Variants in AGBL1 observed in about 807,000 individuals in gnomAD.
The protein encoded by AGBL1 is cytosolic carboxypeptidase 4.
Under a neutral mutation model 118.9 loss-of-function variants are expected in AGBL1, and 130 were observed. The observed-to-expected ratio is 1.09, with a 90% CI of 0.95 to 1.26. AGBL1 has a LOEUF of 1.26. AGBL1 is among the 50% of genes most tolerant of loss of function. AGBL1 has a pLI of 0.00. For synonymous variants in AGBL1, 555 were observed against 478.9 expected (o/e 1.16, Z -2.08); for missense variants, 1,584 against 1,298.1 (o/e 1.22, Z -3.38).
intron 1 of AGBL1, chr15:86,140,096 G>C (rs2076942501): frequency 5.4e-6 from 1 of 185,636 alleles, no homozygotes; most frequent in Non-Finnish European, 1.2e-5. Context: ...CATGTTGTGG[G>C]TGCCCCTCCC....
At chr15:86,748,036 TC>T (rs1285382575) in intron 22 of AGBL1, among the ~76,000 whole-genome samples, 6 of 152,302 alleles carry the variant, frequency 3.9e-5, no homozygotes, top group African/African-American at 1.4e-4. Context: ...TAGTTCTAGA[TC>T]CTTGAGGAAT....
chr15:86,362,935 G>C (rs552092642), intron 17 of AGBL1, among the ~76,000 whole-genome samples: 1 of 152,214 alleles, frequency 6.6e-6, no homozygotes, highest in Non-Finnish European at 1.5e-5. Flanking sequence ...AGGATTTGCA[G>C]TTTAACCAAG....
At chr15:86,672,281 T>A (rs904444420) in intron 21 of AGBL1, among the ~76,000 whole-genome samples, 3 of 152,212 alleles carry the variant, frequency 2.0e-5, no homozygotes. Context: ...ACCTGAAATA[T>A]GTGGACCAAC....
chr15:86,482,581 C>A (rs573043256), intron 18 of AGBL1, among the ~76,000 whole-genome samples: 85 of 152,058 alleles, frequency 5.6e-4, no homozygotes, highest in Admixed American at 3.9e-3. Context: ...CTGGCTGGAC[C>A]CTTCATGTTT....
At chr15:86,966,269 T>A (rs1001809597) in intron 23 of AGBL1, among the ~76,000 whole-genome samples, 2 of 149,004 alleles carry the variant, frequency 1.3e-5, no homozygotes, top group African/African-American at 2.5e-5. Flanking sequence ...GGTGTGGGAT[T>A]GAACCATTTC....
chr15:87,019,827 A>C (rs1182272489), intron 24 of AGBL1, among the ~76,000 whole-genome samples: 1 of 152,022 alleles, frequency 6.6e-6, no homozygotes, highest in African/African-American at 2.4e-5. Flanking sequence ...CAACAAATCC[A>C]GGAGCCTGTT....
At chr15:86,685,198 G>C (rs2142580608) in intron 22 of AGBL1, among the ~76,000 whole-genome samples, 1 of 152,222 alleles carries the variant, frequency 6.6e-6, no homozygotes. Flanking sequence ...TCTGTTTCTG[G>C]ACATGGACAC....
At chr15:86,176,186 A>T (rs2077479427) in intron 5 of AGBL1, among the ~76,000 whole-genome samples, 1 of 152,232 alleles carries the variant, frequency 6.6e-6, no homozygotes, top group East Asian at 1.9e-4. Flanking sequence ...TAGCATGGGG[A>T]ATGATGCCAG....
At chr15:86,637,663 G>A (rs2085119048) in intron 21 of AGBL1, among the ~76,000 whole-genome samples, 1 of 152,158 alleles carries the variant, frequency 6.6e-6, no homozygotes, top group Non-Finnish European at 1.5e-5. Context: ...GTGGCTTGGA[G>A]TAGGACAAAA....
At chr15:86,537,715 A>G (rs562982421) in intron 19 of AGBL1, among the ~76,000 whole-genome samples, 1 of 152,362 alleles carries the variant, frequency 6.6e-6, no homozygotes, top group South Asian at 2.1e-4. Flanking sequence ...AGTTTGAGAT[A>G]TCACACATCA....
rs12593209 is a variant in AGBL1, at chr15:86,148,793, C to T, written c.262+4948C>T. ...TACAGAGAACGCCACAAAGATACTC[C>T]TCGAGAAGAGCAACCCCAAGACACA... is the stretch of plus-strand genomic sequence containing the variant. On this transcript the variant is annotated intron_variant, in intron 3 of 22. Transcript: ENST00000614907. Among the ~76,000 whole-genome samples the T allele has an allele frequency of 1.7e-3, 256 of 152,226 alleles. 12 individuals are homozygous for T. In the East Asian group the frequency reaches 0.049, roughly 29 times the overall value.
At chr15:86,960,680 A>G (rs1350615579) in intron 23 of AGBL1, among the ~76,000 whole-genome samples, 3 of 151,962 alleles carry the variant, frequency 2.0e-5, no homozygotes, top group Admixed American at 2.0e-4. Flanking sequence ...CCCCATGTAC[A>G]CTGCAGCATT....
chr15:86,540,259 A>G (rs2083476174), intron 19 of AGBL1, among the ~76,000 whole-genome samples: 1 of 152,178 alleles, frequency 6.6e-6, no homozygotes, highest in Admixed American at 6.5e-5. Context: ...CGTAGCAGTT[A>G]CCCAGTAAAT....
intron 17 of AGBL1, among the ~76,000 whole-genome samples, chr15:86,347,418 T>C (rs1174196130): frequency 6.6e-6 from 1 of 152,234 alleles, no homozygotes; most frequent in African/African-American, 2.4e-5. Context: ...TACGTCCTAG[T>C]AGACTGAGCA....
At chr15:86,698,033 G>T (rs944920419) in intron 22 of AGBL1, among the ~76,000 whole-genome samples, 1 of 151,972 alleles carries the variant, frequency 6.6e-6, no homozygotes, top group Admixed American at 6.6e-5. Flanking sequence ...TGGAGCAAAA[G>T]TTCACAATGT....
At chr15:86,565,139 T>A (rs377293514) in intron 21 of AGBL1, among the ~76,000 whole-genome samples, 2 of 152,370 alleles carry the variant, frequency 1.3e-5, no homozygotes, top group East Asian at 3.9e-4. Context: ...ATCGTCAAAG[T>A]CATTCTCTGT....
intron 21 of AGBL1, among the ~76,000 whole-genome samples, chr15:86,572,840 T>C (rs534932752): frequency 2.0e-5 from 3 of 152,352 alleles, no homozygotes; most frequent in African/African-American, 7.2e-5. Flanking sequence ...GAATTTTCTA[T>C]TCTCCTGTGA....
At chr15:86,753,619 A>T (rs2077889700) in intron 22 of AGBL1, among the ~76,000 whole-genome samples, 2 of 151,904 alleles carry the variant, frequency 1.3e-5, no homozygotes, top group South Asian at 4.2e-4. Context: ...GCTTGTCTTG[A>T]ACTTCTGATC....
intron 5 of AGBL1, among the ~76,000 whole-genome samples, chr15:86,196,503 T>C (rs1472110258): frequency 1.3e-5 from 2 of 152,168 alleles, no homozygotes; most frequent in Non-Finnish European, 2.9e-5. Context: ...ATTAGCCTTA[T>C]TCCTACATCA....
Sources: allele counts gnomAD v4.1 joint callset (sites outside exome capture counted in the v4.1 genomes callset), GRCh38; gene constraint gnomAD v4.1.1; transcripts MANE v1.5; gene names NCBI Gene and HGNC (gene_info 2026-07-23, HGNC 2026-07-21).